The following FHL2 variants were observed in gnomAD, a reference collection of about 807,000 sequenced individuals.
FHL2 encodes four and a half LIM domains protein 2.
FHL2 carries 20 observed loss-of-function variants against 32.7 expected under a neutral mutation model. That is an observed-to-expected ratio of 0.61 (90% CI 0.43 to 0.89). The LOEUF is 0.89. FHL2 is among the 40% of genes least tolerant of loss of function. The pLI is 0.00. For synonymous variants in FHL2, 123 were observed against 128.1 expected (o/e 0.96, Z 0.27); for missense variants, 311 against 358.6 (o/e 0.87, Z 1.07).
At chr2:105,416,660 T>C (rs903683989) in intron 1 of FHL2, among the ~76,000 whole-genome samples, 3 of 152,198 alleles carry the variant, frequency 2.0e-5, no homozygotes, top group Admixed American at 1.3e-4. Context: ...TTAGAAAATA[T>C]TGCTTCTATA....
At chr2:105,434,902 C>A (rs939348710) in intron 1 of FHL2, among the ~76,000 whole-genome samples, 2 of 151,996 alleles carry the variant, frequency 1.3e-5, no homozygotes, top group Admixed American at 6.6e-5. Flanking sequence ...CTAAATCATT[C>A]TGGTTGGTTA....
chr2:105,428,853 C>G (rs1684340276), intron 1 of FHL2, among the ~76,000 whole-genome samples: 1 of 152,224 alleles, frequency 6.6e-6, no homozygotes, highest in South Asian at 2.1e-4. Context: ...TACAGACACC[C>G]TGTTGGATGG....
At chr2:105,438,146 A>G (rs1000688818) in intron 1 of FHL2, among the ~76,000 whole-genome samples, 1 of 152,142 alleles carries the variant, frequency 6.6e-6, no homozygotes, top group Non-Finnish European at 1.5e-5. Context: ...GGGGTTCTCT[A>G]TCTTCAAGCT....
chr2:105,381,720 G>A (rs547109352), intron 3 of FHL2, among the ~76,000 whole-genome samples: 5 of 152,180 alleles, frequency 3.3e-5, no homozygotes, highest in Admixed American at 1.3e-4. Context: ...ATAAATACGC[G>A]TTTTCAGTGC....
At position 105,373,737 on chromosome 2, in the gene FHL2, TG is replaced by T; in HGVS notation, c.157-5del. 1 of 1,613,566 alleles carries T rather than the reference TG, an allele frequency of 6.2e-7. No homozygotes were observed. Among genetic ancestry groups the T allele is most frequent in the Non-Finnish European group, 8.5e-7 (1 of 1,180,014 alleles). On this transcript the variant is annotated splice_region_variant and splice_polypyrimidine_tract_variant and intron_variant, in intron 3 of 6. Coordinates refer to ENST00000530340, the MANE Select transcript of FHL2 (RefSeq NM_001318895.3). ...GCCGGTCCTTGTAAGACAAGTCCTGTGGGGCCAGACCACACAAGACAGTCAG... is the reference window on the plus strand; with the variant it reads ...GCCGGTCCTTGTAAGACAAGTCCTGTGGGCCAGACCACACAAGACAGTCAG...
At chr2:105,417,552 C>G (rs765353635) in intron 1 of FHL2, among the ~76,000 whole-genome samples, 1 of 151,496 alleles carries the variant, frequency 6.6e-6, no homozygotes, top group East Asian at 1.9e-4. Context: ...GGTGTGGCAG[C>G]GTGTGCCTGT....
intron 1 of FHL2, among the ~76,000 whole-genome samples, chr2:105,433,448 C>T (rs1241701865): frequency 6.6e-6 from 1 of 152,180 alleles, no homozygotes; most frequent in African/African-American, 2.4e-5. Flanking sequence ...TCCCAAAGTG[C>T]TGGGATTACA....
chr2:105,425,645 G>C (rs1313037354), intron 1 of FHL2, among the ~76,000 whole-genome samples: 1 of 152,092 alleles, frequency 6.6e-6, no homozygotes, highest in Non-Finnish European at 1.5e-5. Context: ...TGTGGCGGGA[G>C]ACGAGACATG....
intron 1 of FHL2, 39 bp downstream of exon 1, chr2:105,398,803 A>T: frequency 7.3e-7 from 1 of 1,373,690 alleles, no homozygotes; most frequent in Non-Finnish European, 9.5e-7. Flanking sequence ...CCCCTCTCCC[A>T]GTGGTCTTCC....
At chr2:105,437,703 TA>T (rs1684655177) in intron 1 of FHL2, among the ~76,000 whole-genome samples, 1 of 152,230 alleles carries the variant, frequency 6.6e-6, no homozygotes, top group African/African-American at 2.4e-5. Flanking sequence ...TGATGTCTAT[TA>T]TCATATATAT....
intron 3 of FHL2, chr2:105,374,042 C>A (rs373923477): frequency 7.7e-6 from 3 of 390,880 alleles, no homozygotes; most frequent in African/African-American, 4.1e-5. Context: ...GAAAGAGAAA[C>A]AGAAAACATG....
chr2:105,418,621 T>C (rs922549380), intron 1 of FHL2, among the ~76,000 whole-genome samples: 1 of 152,196 alleles, frequency 6.6e-6, no homozygotes, highest in Non-Finnish European at 1.5e-5. Flanking sequence ...TGCGCAGACA[T>C]AGAGTATTCT....
chr2:105,389,171 TC>T (rs1161312924), intron 2 of FHL2, among the ~76,000 whole-genome samples: 1 of 152,206 alleles, frequency 6.6e-6, no homozygotes, highest in Non-Finnish European at 1.5e-5. Flanking sequence ...AAATCACTCT[TC>T]CTGGAGTTAA....
chr2:105,388,319 C>T (rs192434225), intron 2 of FHL2, among the ~76,000 whole-genome samples: 91 of 152,180 alleles, frequency 6.0e-4, no homozygotes, highest in Middle Eastern at 3.4e-3. Context: ...AGGATGAATA[C>T]GCAGTGTGAA....
rs570551998 is a variant in FHL2, at chr2:105,430,565, G to A, written c.-25+7834C>T. Among the ~76,000 whole-genome samples the A allele has an allele frequency of 2.0e-5, 3 of 152,306 alleles. No homozygotes were observed. In the South Asian group the frequency reaches 6.2e-4, roughly 32 times the overall value. On this transcript the variant is annotated intron_variant, in intron 1 of 5. Coordinates refer to the FHL2 transcript ENST00000393352. ...CACCTGTAGTCCAAGCTACTCTGGA[G>A]GCTAAGCCATGAGAATCGCTTGACC...
chr2:105,426,353 T>C (rs1040956124), intron 1 of FHL2, among the ~76,000 whole-genome samples: 2 of 152,248 alleles, frequency 1.3e-5, no homozygotes, highest in Non-Finnish European at 2.9e-5. Flanking sequence ...ATTGCATCTA[T>C]GTTACCTTAA....
At chr2:105,385,941 A>G (rs936348560) in intron 3 of FHL2, 3 of 302,056 alleles carry the variant, frequency 9.9e-6, no homozygotes, top group African/African-American at 6.4e-5. Flanking sequence ...TCCAGGAACC[A>G]ACTCTGGTTC....
chr2:105,383,652 T>C (rs1374909016), intron 3 of FHL2, among the ~76,000 whole-genome samples: 1 of 152,148 alleles, frequency 6.6e-6, no homozygotes, highest in East Asian at 1.9e-4. Context: ...AGAGAAGAGA[T>C]TGGCCACCAG....
intron 1 of FHL2, among the ~76,000 whole-genome samples, chr2:105,414,247 A>C (rs1683869852): frequency 6.6e-6 from 1 of 152,148 alleles, no homozygotes; most frequent in Admixed American, 6.5e-5. Context: ...GAACCTCCCT[A>C]TGTTCAACCA....
Sources: gnomAD v4.1 joint callset for allele counts (sites outside exome capture counted in the v4.1 genomes callset) on GRCh38, gnomAD v4.1.1 for gene constraint, MANE v1.5 for transcripts, NCBI Gene and HGNC (gene_info 2026-07-23, HGNC 2026-07-21) for gene names.